Variants in CCDC3 observed in about 807,000 individuals in gnomAD.
CCDC3 encodes coiled-coil domain-containing protein 3.
CCDC3 carries 24 observed loss-of-function variants against 21.4 expected under a neutral mutation model. The ratio of observed to expected loss-of-function variants is 1.12; its 90% confidence interval spans 0.81 to 1.58. CCDC3 has a LOEUF of 1.58. CCDC3 is among the 40% of genes most tolerant of loss of function. CCDC3 has a pLI of 0.00. For synonymous variants in CCDC3, 186 were observed against 166.0 expected, an observed-to-expected ratio of 1.12 and a Z score of -0.93; for missense variants, 425 against 360.9, an observed-to-expected ratio of 1.18 and a Z score of -1.44.
At chr10:13,054,119 TG>T (rs1465670584) in intron 4 of CCDC3, among the ~76,000 whole-genome samples, 2 of 135,092 alleles carry the variant, frequency 1.5e-5, no homozygotes, top group Non-Finnish European at 3.1e-5. Flanking sequence ...CACTCTGGCC[TG>T]GGTGACAGAG....
intron 4 of CCDC3, among the ~76,000 whole-genome samples, chr10:13,053,007 T>A (rs538567645): frequency 6.1e-5 from 9 of 147,604 alleles, no homozygotes; most frequent in Admixed American, 4.7e-4. Context: ...CACCTAGAAG[T>A]TCCAATGTTT....
rs374419795 is a variant in CCDC3, at chr10:12,898,429, T to C, written c.800A>G (p.Tyr267Cys). ...INARGPVRPPYLRG is the reference protein window; with the variant it reads ...INARGPVRPPCLRG ...CCCCCAGGCCCGTTACCCCCGCAGGTAGGGGGGGCGCACGGGCCCCCGGGC... is the reference window on the plus strand; with the variant it reads ...CCCCCAGGCCCGTTACCCCCGCAGGCAGGGGGGGCGCACGGGCCCCCGGGC... Residue 267 changes from tyrosine to cysteine, a missense_variant, in exon 3 of 3, where the codon TAC (tyrosine) becomes TGC (cysteine). Transcript: ENST00000378825. 5 of 1,603,058 alleles carry C rather than the reference T, an allele frequency of 3.1e-6. No homozygotes were observed. The highest frequency in any genetic ancestry group is 1.1e-5 in the South Asian group (1 of 90,624).
chr10:12,969,735 A>G (rs546950094), intron 2 of CCDC3, among the ~76,000 whole-genome samples: 2 of 149,608 alleles, frequency 1.3e-5, no homozygotes. Context: ...TTAATATTCT[A>G]ATATTTTTAA....
chr10:12,914,126 A>G (rs1377754597), intron 2 of CCDC3, among the ~76,000 whole-genome samples: 1 of 152,134 alleles, frequency 6.6e-6, no homozygotes, highest in Non-Finnish European at 1.5e-5. Flanking sequence ...CCTCCTGTTC[A>G]ATTTTGTGGA....
chr10:12,910,877 G>C (rs1179964492), intron 2 of CCDC3, among the ~76,000 whole-genome samples: 1 of 152,160 alleles, frequency 6.6e-6, no homozygotes, highest in Non-Finnish European at 1.5e-5. Flanking sequence ...TTATGGGTGT[G>C]AGCCACAGAG....
chr10:12,962,839 G>A (rs1325027311), intron 2 of CCDC3, among the ~76,000 whole-genome samples: 3 of 152,088 alleles, frequency 2.0e-5, no homozygotes, highest in Non-Finnish European at 4.4e-5. Context: ...GATCAGGAAG[G>A]TTATTTTTAT....
intron 2 of CCDC3, among the ~76,000 whole-genome samples, chr10:12,927,622 GA>G (rs1458421272): frequency 7.9e-5 from 12 of 152,066 alleles, no homozygotes; most frequent in Admixed American, 7.9e-4. Flanking sequence ...ATCTCTTCTA[GA>G]AATGATAATG....
intron 5 of CCDC3, among the ~76,000 whole-genome samples, chr10:13,040,432 C>G (rs544878259): frequency 8.5e-5 from 13 of 152,104 alleles, no homozygotes; most frequent in Non-Finnish European, 1.8e-4. Context: ...GGGCTAGATG[C>G]GGTGGCTCGC....
intron 2 of CCDC3, among the ~76,000 whole-genome samples, chr10:12,937,108 C>CT (rs61592955): frequency 0.37 from 54,954 of 148,754 alleles, 10,186 homozygotes; most frequent in East Asian, 0.47. Context: ...TCCCTGTGGA[C>CT]TTTTTTTTTT....
intron 5 of CCDC3, among the ~76,000 whole-genome samples, chr10:13,019,329 G>A (rs1836114702): frequency 6.6e-6 from 1 of 152,212 alleles, no homozygotes; most frequent in East Asian, 1.9e-4. Context: ...CATGAAAAGG[G>A]TTAAGATTGC....
chr10:12,959,688 T>A lies in CCDC3; in HGVS notation c.549+38650A>T, dbSNP rs560802453. On this transcript the variant is annotated intron_variant, in intron 2 of 2. Coordinates refer to ENST00000378825, the MANE Select transcript of CCDC3 (RefSeq NM_031455.4). ...TACAAACCATTCCCTCCAAACTCCT[T>A]GGTTTATAGCCAAATAATCAGAGGC... is the stretch of plus-strand genomic sequence containing the variant. Among the ~76,000 whole-genome samples the A allele has an allele frequency of 1.1e-3, 160 of 152,222 alleles. 1 individual carries two copies. Among genetic ancestry groups the A allele is most frequent in the Admixed American group, 1.4e-3 (22 of 15,292 alleles).
At chr10:13,038,448 C>G (rs1343189371) in intron 5 of CCDC3, among the ~76,000 whole-genome samples, 1 of 151,626 alleles carries the variant, frequency 6.6e-6, no homozygotes, top group Non-Finnish European at 1.5e-5. Flanking sequence ...AAAGAGCAGC[C>G]TAGGGCTGTG....
chr10:12,956,229 A>G (rs1245531319), intron 2 of CCDC3, among the ~76,000 whole-genome samples: 1 of 152,200 alleles, frequency 6.6e-6, no homozygotes, highest in Non-Finnish European at 1.5e-5. Flanking sequence ...GAAGAAATGA[A>G]AAGTTTCTTA....
intron 2 of CCDC3, among the ~76,000 whole-genome samples, chr10:12,971,710 G>T (rs965467927): frequency 1.1e-4 from 17 of 152,168 alleles, no homozygotes; most frequent in African/African-American, 4.1e-4. Context: ...TTTCGAGACA[G>T]AGTCTTGTAC....
chr10:12,905,919 C>T (rs568371485), intron 2 of CCDC3, among the ~76,000 whole-genome samples: 3 of 152,308 alleles, frequency 2.0e-5, no homozygotes, highest in East Asian at 3.9e-4. Context: ...GGGCAGAGGC[C>T]AAGATTCCTT....
intron 2 of CCDC3, among the ~76,000 whole-genome samples, chr10:12,900,703 A>AC (rs1432209258): frequency 6.7e-6 from 1 of 150,198 alleles, no homozygotes; most frequent in Admixed American, 6.6e-5. Context: ...AAAAAAAAAA[A>AC]AAAAAACAAA....
intron 2 of CCDC3, among the ~76,000 whole-genome samples, chr10:12,954,085 G>C (rs1368957567): frequency 6.6e-6 from 1 of 152,102 alleles, no homozygotes; most frequent in Non-Finnish European, 1.5e-5. Context: ...ATTTTAAAAA[G>C]CACACTTAAC....
chr10:13,086,742 G>A (rs182132675), intron 3 of CCDC3, among the ~76,000 whole-genome samples: 20 of 152,282 alleles, frequency 1.3e-4, no homozygotes, highest in African/African-American at 4.1e-4. Context: ...CCCCGCGCCC[G>A]GCCTCTGTAA....
chr10:12,997,465 C>T (rs1390673568), intron 2 of CCDC3, among the ~76,000 whole-genome samples: 1 of 152,244 alleles, frequency 6.6e-6, no homozygotes, highest in Non-Finnish European at 1.5e-5. Context: ...TCCTCCAACT[C>T]TGGCATTTGG....
Sources: gnomAD v4.1 joint callset for allele counts (sites outside exome capture counted in the v4.1 genomes callset) on GRCh38, gnomAD v4.1.1 for gene constraint, MANE v1.5 for transcripts, NCBI Gene and HGNC (gene_info 2026-07-23, HGNC 2026-07-21) for gene names.